Variants in EYS observed in about 807,000 individuals in gnomAD.
EYS encodes EGF-like photoreceptor maintenance factor.
In EYS, 250 loss-of-function variants were observed where a neutral mutation model predicts 282.1. The ratio of observed to expected loss-of-function variants is 0.89; its 90% CI spans 0.80 to 0.98. The LOEUF is 0.98. EYS is among the 50% of genes least tolerant of loss of function. EYS has a pLI of 0.00. For missense variants in EYS, 4,016 were observed against 3,709.0 expected (o/e 1.08, Z -2.15); for synonymous variants, 1,355 against 1,282.9 (o/e 1.06, Z -1.20).
intron 12 of EYS, among the ~76,000 whole-genome samples, chr6:65,108,679 C>T (rs1561969707): frequency 6.6e-6 from 1 of 152,030 alleles, no homozygotes. Context: ...AGCATGATTC[C>T]TTTGTGTATA....
chr6:65,620,855 G>C (rs952635201), intron 2 of EYS, among the ~76,000 whole-genome samples: 1 of 152,138 alleles, frequency 6.6e-6, no homozygotes, highest in South Asian at 2.1e-4. Flanking sequence ...CCATGTAGTT[G>C]AGCAGTTTTG....
In EYS at chr6:63,880,092, T is replaced by A. The variant is rs567059126; in HGVS notation, c.7056-15734A>T. Among the ~76,000 whole-genome samples, 14 of 152,326 alleles carry A rather than the reference T, an allele frequency of 9.2e-5. No individual in the cohort carries two copies. In the East Asian group the frequency reaches 2.5e-3, roughly 27 times the overall value. On this transcript the variant is annotated intron_variant, in intron 35 of 42. Transcript: ENST00000503581. Reference sequence around the variant, plus strand: ...AGGGCATGAGCATGGTGACGGTTAATACTGAGGGTCAACTTGATTGGATTG... The same window carrying A: ...AGGGCATGAGCATGGTGACGGTTAAAACTGAGGGTCAACTTGATTGGATTG...
chr6:64,788,780 T>G (rs1169508598), intron 22 of EYS, among the ~76,000 whole-genome samples: 1 of 152,198 alleles, frequency 6.6e-6, no homozygotes, highest in Non-Finnish European at 1.5e-5. Flanking sequence ...AAATGGGCAT[T>G]TTTAAAAAAG....
At chr6:65,490,741 G>A in intron 4 of EYS, 34 bp from the exon 5 acceptor site, 3 of 1,094,122 alleles carry the variant, frequency 2.7e-6, no homozygotes, top group Non-Finnish European at 4.2e-6. Flanking sequence ...TTTTACATTG[G>A]ATATCAATAT....
chr6:64,326,478 G>A (rs1184099046), intron 29 of EYS, among the ~76,000 whole-genome samples: 1 of 152,150 alleles, frequency 6.6e-6, no homozygotes, highest in Non-Finnish European at 1.5e-5. Flanking sequence ...GCTTTAAGAT[G>A]TTTAAAAGTA....
intron 9 of EYS, among the ~76,000 whole-genome samples, chr6:65,346,651 A>T (rs1248632244): frequency 6.6e-6 from 1 of 151,718 alleles, no homozygotes; most frequent in East Asian, 1.9e-4. Flanking sequence ...GGGGCTACAG[A>T]AAAAAACAGG....
chr6:64,079,116 G>A (rs371888604), intron 32 of EYS, among the ~76,000 whole-genome samples: 2 of 151,870 alleles, frequency 1.3e-5, no homozygotes, highest in East Asian at 3.9e-4. Context: ...TTTTTCTTTT[G>A]TTTACTCTGC....
At position 65,295,973 on chromosome 6, in the gene EYS, T is replaced by A. The variant is rs1350359765; in HGVS notation, c.1913A>T (p.Asn638Ile). 1.3e-6 allele frequency: 2 copies of A among 1,551,296 alleles called. No individual in the cohort carries two copies. The highest frequency in any genetic ancestry group is 4.9e-5 in the East Asian group (2 of 40,900). ...NCSGLQRYERNICEIDTEDCK... is the reference protein window; with the variant it reads ...NCSGLQRYERIICEIDTEDCK... ...GTCTTCAGTATCTATCTCACAGATG[T>A]TCCTTTCATATCTTTGCAGACCGCT... is the stretch of plus-strand genomic sequence containing the variant. The change falls in exon 12 of 43, where the codon AAC becomes ATC. Residue 638 changes from asparagine (N) to isoleucine (I), a missense_variant. By Grantham distance (149) the Asn-to-Ile change is moderately radical (BLOSUM62 -3). Transcript: ENST00000503581.
chr6:64,206,272 C>A (rs1192675807), intron 31 of EYS, among the ~76,000 whole-genome samples: 2 of 152,056 alleles, frequency 1.3e-5, no homozygotes, highest in Admixed American at 6.6e-5. Context: ...CACAATATAG[C>A]AGTATTTATA....
At chr6:65,144,658 T>C (rs999571517) in intron 12 of EYS, among the ~76,000 whole-genome samples, 4 of 152,144 alleles carry the variant, frequency 2.6e-5, no homozygotes, top group African/African-American at 9.7e-5. Flanking sequence ...TGATTTAAAA[T>C]TGAACAGTAT....
chr6:65,580,364 T>G (rs1764825331), intron 2 of EYS, among the ~76,000 whole-genome samples: 1 of 152,108 alleles, frequency 6.6e-6, no homozygotes, highest in African/African-American at 2.4e-5. Context: ...CTGTGCTTAT[T>G]CAAGATTTAG....
At chr6:65,443,006 A>G (rs1768428261) in intron 5 of EYS, among the ~76,000 whole-genome samples, 1 of 150,802 alleles carries the variant, frequency 6.6e-6, no homozygotes, top group African/African-American at 2.4e-5. Flanking sequence ...GTATATATGT[A>G]CACATATCTG....
intron 19 of EYS, among the ~76,000 whole-genome samples, chr6:64,877,164 G>A (rs1766773793): frequency 6.6e-6 from 1 of 152,138 alleles, no homozygotes; most frequent in Non-Finnish European, 1.5e-5. Flanking sequence ...ACTGCATGGA[G>A]ATGTGTGAGC....
chr6:64,821,404 G>C (rs1764894324), intron 21 of EYS, among the ~76,000 whole-genome samples: 1 of 151,874 alleles, frequency 6.6e-6, no homozygotes, highest in South Asian at 2.1e-4. Context: ...GTCGGCGGGA[G>C]GGAGGAGAAT....
Position 64,590,592 on chromosome 6 carries a change from T to C in EYS, c.5275A>G (p.Lys1759Glu). ...GCATGTGTAATTTCTGAATATGTCT[T>C]TAAAGTAACATCCGGATAAATTTGT... ...NLQIYPDVTL[K>E]TYSEITHAND... Residue 1759 changes from lysine (K) to glutamate (E), a missense_variant, in exon 26 of 43, where the codon AAG becomes GAG. Coordinates refer to ENST00000503581, the MANE Select transcript of EYS (RefSeq NM_001142800.2). 2 of 1,551,318 alleles carry C rather than the reference T, an allele frequency of 1.3e-6. No homozygotes were observed. Among genetic ancestry groups the C allele is most frequent in the African/African-American group, 1.4e-5 (1 of 73,120 alleles).
intron 22 of EYS, among the ~76,000 whole-genome samples, chr6:64,778,176 A>C (rs1773737532): frequency 1.3e-5 from 2 of 152,148 alleles, no homozygotes; most frequent in Admixed American, 6.6e-5. Flanking sequence ...ATTGGTGAAG[A>C]ATTTTTCTTG....
intron 36 of EYS, among the ~76,000 whole-genome samples, chr6:63,828,126 C>A (rs1771525929): frequency 6.6e-6 from 1 of 152,064 alleles, no homozygotes; most frequent in Non-Finnish European, 1.5e-5. Flanking sequence ...TAAACACCTA[C>A]ATCAAAAAGT....
At chr6:65,152,701 G>A (rs1764641051) in intron 12 of EYS, among the ~76,000 whole-genome samples, 1 of 151,812 alleles carries the variant, frequency 6.6e-6, no homozygotes. Flanking sequence ...ATAGTAAAGA[G>A]CATACTTAGG....
chr6:65,307,130 G>GTT (rs1322596848), intron 11 of EYS, among the ~76,000 whole-genome samples: 10 of 147,146 alleles, frequency 6.8e-5, no homozygotes, highest in Non-Finnish European at 1.2e-4. Context: ...CCCAGTAGCT[G>GTT]TTTTTGCCTG....
Sources: gnomAD v4.1 joint callset for allele counts (sites outside exome capture counted in the v4.1 genomes callset) on GRCh38, gnomAD v4.1.1 for gene constraint, MANE v1.5 for transcripts, NCBI Gene and HGNC (gene_info 2026-07-23, HGNC 2026-07-21) for gene names.